Variants in RFC3 observed in about 807,000 individuals in gnomAD.
The protein encoded by RFC3 is A1 38 kDa subunit.
Under a neutral mutation model 45.1 loss-of-function variants are expected in RFC3, and 41 were observed. The observed-to-expected ratio is 0.91, with a 90% CI of 0.71 to 1.18. The LOEUF is 1.18. Among genes scored for constraint, RFC3 ranks in the 50% most tolerant of loss-of-function variants. RFC3 has a pLI of 0.00. For missense variants in RFC3, 423 were observed against 428.1 expected, an observed-to-expected ratio of 0.99 and a Z score of 0.10; for synonymous variants, 149 against 144.0, an observed-to-expected ratio of 1.03 and a Z score of -0.25.
chr13:33,846,445 G>A (rs558307251), intron 8 of RFC3: 4 of 152,394 alleles, frequency 2.6e-5, no homozygotes, highest in South Asian at 4.1e-4. Context: ...TCTACCAAGT[G>A]TGCTGTCCTA....
chr13:33,905,961 A>C (rs978740576), intron 8 of RFC3, among the ~76,000 whole-genome samples: 7 of 152,092 alleles, frequency 4.6e-5, no homozygotes, highest in Non-Finnish European at 1.0e-4. Context: ...TTAGTTTTCT[A>C]TGATGTGCCA....
At chr13:33,853,976 G>C (rs2082293686) in intron 8 of RFC3, among the ~76,000 whole-genome samples, 1 of 152,134 alleles carries the variant, frequency 6.6e-6, no homozygotes, top group Non-Finnish European at 1.5e-5. Context: ...AGTCATCACG[G>C]GGAGATACAA....
At chr13:33,909,584 ATTC>A (rs1418356148) in intron 8 of RFC3, among the ~76,000 whole-genome samples, 1 of 150,802 alleles carries the variant, frequency 6.6e-6, no homozygotes, top group East Asian at 2.0e-4. Context: ...TCTTTCTTCT[ATTC>A]TTCTTTCTGC....
At chr13:33,873,400 G>T (rs1014369796) in intron 8 of RFC3, among the ~76,000 whole-genome samples, 2 of 152,152 alleles carry the variant, frequency 1.3e-5, no homozygotes, top group African/African-American at 2.4e-5. Context: ...ATTTCAAAGC[G>T]CCTGTTTTTC....
At chr13:33,892,704 A>G (rs1420958773) in intron 8 of RFC3, among the ~76,000 whole-genome samples, 4 of 152,174 alleles carry the variant, frequency 2.6e-5, no homozygotes, top group African/African-American at 7.2e-5. Flanking sequence ...ATAGCAGTGT[A>G]GAAGCAAGAT....
intron 8 of RFC3, among the ~76,000 whole-genome samples, chr13:33,899,000 A>C (rs2082619943): frequency 6.6e-6 from 1 of 151,710 alleles, no homozygotes; most frequent in South Asian, 2.1e-4. Flanking sequence ...AATGAGATCA[A>C]AGCTGTAATA....
intron 8 of RFC3, among the ~76,000 whole-genome samples, chr13:33,896,641 G>A (rs1448328054): frequency 2.0e-5 from 3 of 146,474 alleles, no homozygotes; most frequent in Non-Finnish European, 4.5e-5. Context: ...GAACTCAGGA[G>A]GCAGAGGTTG....
intron 8 of RFC3, chr13:33,847,684 AT>A (rs1475722577): frequency 6.6e-6 from 1 of 151,338 alleles, no homozygotes; most frequent in Non-Finnish European, 1.5e-5. Flanking sequence ...TATTGCCTAC[AT>A]TTTCTTAGTT....
intron 8 of RFC3, among the ~76,000 whole-genome samples, chr13:33,855,577 A>C (rs2082303894): frequency 6.6e-6 from 1 of 152,124 alleles, no homozygotes; most frequent in African/African-American, 2.4e-5. Context: ...GGTTGAACTA[A>C]TTTACCCTCC....
chr13:33,943,634 A>C (rs1015009736), intron 8 of RFC3, among the ~76,000 whole-genome samples: 1 of 152,210 alleles, frequency 6.6e-6, no homozygotes, highest in African/African-American at 2.4e-5. Context: ...AGTCAAAAAT[A>C]AAAGATGTTG....
intron 8 of RFC3, among the ~76,000 whole-genome samples, chr13:33,926,124 C>T (rs187323310): frequency 5.4e-4 from 80 of 147,138 alleles, no homozygotes; most frequent in Middle Eastern, 3.5e-3. Context: ...AACCAGACAC[C>T]GCATATTCTC....
At chr13:33,971,792 T>C in the RFC3 span, among the ~76,000 whole-genome samples, 49 of 152,354 alleles carry the variant, frequency 3.2e-4, no homozygotes, top group Admixed American at 2.5e-3. Context: ...TTAATAGTTA[T>C]GTAAGAATTT....
chr13:33,821,169 G>C lies in RFC3; in HGVS notation c.125G>C (p.Gly42Ala). The C allele has an allele frequency of 6.2e-7, 1 of 1,613,716 alleles. No individual in the cohort carries two copies. Among genetic ancestry groups the C allele is most frequent in the African/African-American group, 1.3e-5 (1 of 74,978 alleles). Reference protein sequence around the residue: ...CGDFPHLLVYGPSGAGKKTRI... With the variant: ...CGDFPHLLVYAPSGAGKKTRI... Reference sequence around the variant, plus strand: ...GACTTTCCTCATCTGTTAGTGTACGGACCATCAGGTGCTGGAAAAAAGACA... The same window carrying C: ...GACTTTCCTCATCTGTTAGTGTACGCACCATCAGGTGCTGGAAAAAAGACA... The change falls in exon 2 of 9, where the codon GGA (glycine) becomes GCA (alanine). Residue 42 changes from glycine (G) to alanine (A), a missense_variant. Transcript: ENST00000380071.
chr13:33,962,668 AT>A (rs1351044335), intron 8 of RFC3, among the ~76,000 whole-genome samples: 1 of 152,204 alleles, frequency 6.6e-6, no homozygotes, highest in Admixed American at 6.5e-5. Context: ...TTCTGGGAAT[AT>A]TTAATAACAG....
rs148994100 is a variant in RFC3, at chr13:33,924,596, T to TTA, written c.880-41479_880-41478dup. Among the ~76,000 whole-genome samples the TTA allele has an allele frequency of 8.1e-3, 1,212 of 149,884 alleles. 17 individuals carry two copies. The highest frequency in any genetic ancestry group is 0.028 in the African/African-American group (1,134 of 40,930). ...GCAAGATGAACAGATAAAGAAATGA[T>TTA]TATATATATATATGTAAATATATAT... is the stretch of plus-strand genomic sequence containing the variant. On this transcript the variant is annotated intron_variant, in intron 8 of 8. Coordinates refer to the RFC3 transcript ENST00000434425.
chr13:33,842,769 A>G (rs1309589740), intron 8 of RFC3, among the ~76,000 whole-genome samples: 1 of 152,192 alleles, frequency 6.6e-6, no homozygotes, highest in Non-Finnish European at 1.5e-5. Context: ...TTTTAGTTGT[A>G]CAGTGGGAGG....
chr13:33,890,786 T>C (rs965740592), intron 8 of RFC3, among the ~76,000 whole-genome samples: 8 of 152,196 alleles, frequency 5.3e-5, no homozygotes, highest in Admixed American at 1.3e-4. Flanking sequence ...TTAGGTTACT[T>C]GTCCAAGGTC....
At chr13:33,834,329 T>TATATATATATATATACATAC (rs1300798923) in intron 7 of RFC3, among the ~76,000 whole-genome samples, 4 of 125,106 alleles carry the variant, frequency 3.2e-5, no homozygotes, top group African/African-American at 1.0e-4. Context: ...TATATATATA[T>TATATATATATATATACATAC]ATCTGTACTG....
At chr13:33,820,966 A>G (rs1233158844) in intron 1 of RFC3, among the ~76,000 whole-genome samples, 166 bp from the exon 2 acceptor site, 2 of 150,384 alleles carry the variant, frequency 1.3e-5, no homozygotes, top group African/African-American at 4.9e-5. Flanking sequence ...GTATCTACCC[A>G]TGAAACTCCA....
Sources: allele counts gnomAD v4.1 joint callset (sites outside exome capture counted in the v4.1 genomes callset), GRCh38; gene constraint gnomAD v4.1.1; transcripts MANE v1.5; gene names NCBI Gene and HGNC (gene_info 2026-07-23, HGNC 2026-07-21).